Variants in VPS8 observed in about 807,000 individuals in gnomAD.
VPS8 encodes vacuolar protein sorting-associated protein 8 homolog.
VPS8 carries 129 observed loss-of-function variants against 216.4 expected under a neutral mutation model. The observed-to-expected ratio is 0.60, with a 90% CI of 0.52 to 0.69. The LOEUF (loss-of-function observed/expected upper bound fraction) is 0.69. Ranked by LOEUF, VPS8 falls within the 30% of genes least tolerant of loss-of-function variation. The probability of loss-of-function intolerance (pLI) is 0.00; values close to 1 mark genes in which losing one functional copy is unlikely to be tolerated. For missense variants in VPS8, 1,531 were observed against 1,683.5 expected, an observed-to-expected ratio of 0.91 and a Z score of 1.59; for synonymous variants, 571 against 565.4, an observed-to-expected ratio of 1.01 and a Z score of -0.14.
At chr3:185,015,638 AG>A (rs1304195081) in intron 45 of VPS8, among the ~76,000 whole-genome samples, 4 of 152,240 alleles carry the variant, frequency 2.6e-5, no homozygotes, top group Non-Finnish European at 5.9e-5. Context: ...GAATCCAATT[AG>A]TTAATTTCAA....
Position 184,996,905 on chromosome 3 carries a change from A to C in VPS8, c.3836+404A>C, listed in dbSNP as rs76820604. On this transcript the variant is annotated intron_variant, in intron 44 of 47. Transcript: ENST00000625842. Reference sequence around the variant, plus strand: ...GCTGGTGTATTAGATGTGGAGTATAAGAGAAAAATGAATCTTTGGTCTGAG... The same window carrying C: ...GCTGGTGTATTAGATGTGGAGTATACGAGAAAAATGAATCTTTGGTCTGAG... Among the ~76,000 whole-genome samples, 341 of 152,288 alleles carry C rather than the reference A, an allele frequency of 2.2e-3. 4 individuals are homozygous for C. The highest frequency in any genetic ancestry group is 7.7e-3 in the African/African-American group (320 of 41,572).
chr3:185,016,982 C>T (rs544408669), intron 45 of VPS8, among the ~76,000 whole-genome samples: 106 of 151,902 alleles, frequency 7.0e-4, no homozygotes, highest in African/African-American at 2.0e-3. Flanking sequence ...CTGCTTGAAG[C>T]GGTTCCTTCA....
intron 2 of VPS8, chr3:184,825,155 T>C (rs1277991379): frequency 4.5e-6 from 1 of 223,184 alleles, no homozygotes; most frequent in African/African-American, 2.3e-5. Flanking sequence ...TCTCCCTTCT[T>C]GGCCCCCACG....
At chr3:184,816,753 C>T (rs1364159118) in intron 1 of VPS8, among the ~76,000 whole-genome samples, 3 of 152,108 alleles carry the variant, frequency 2.0e-5, no homozygotes, top group South Asian at 2.1e-4. Context: ...AACTGCATGG[C>T]GTTTGTTATT....
At chr3:184,996,537 A>T in intron 44 of VPS8, 36 bp downstream of exon 44, 2 of 1,555,014 alleles carry the variant, frequency 1.3e-6, no homozygotes, top group Non-Finnish European at 1.7e-6. Context: ...TGTATGGTAC[A>T]TGTACATCTG....
At chr3:184,991,512 A>G (rs1271454242) in intron 42 of VPS8, among the ~76,000 whole-genome samples, 1 of 152,224 alleles carries the variant, frequency 6.6e-6, no homozygotes, top group Non-Finnish European at 1.5e-5. Flanking sequence ...TGATACAAAT[A>G]TAGAAATGAC....
At chr3:185,002,039 G>A (rs958063352) in intron 45 of VPS8, among the ~76,000 whole-genome samples, 2 of 152,194 alleles carry the variant, frequency 1.3e-5, no homozygotes, top group African/African-American at 2.4e-5. Flanking sequence ...TAAGCTAGAC[G>A]AGTTTAAGTG....
Position 184,853,938 on chromosome 3 carries a change from G to A in VPS8, c.903G>A (p.Leu301=). The change falls in exon 12 of 48, where the codon CTG becomes CTA. Residue 301 remains leucine, a synonymous_variant. Transcript: ENST00000625842. ...SKGEVCCIEP[L]HSKPELKDHP... ...GTGAAGTCTGCTGTATTGAGCCTCTGCATTCTAAGCCTGAGTTGAAAGATC... is the reference window on the plus strand; with the variant it reads ...GTGAAGTCTGCTGTATTGAGCCTCTACATTCTAAGCCTGAGTTGAAAGATC... The A allele has an allele frequency of 6.2e-7, 1 of 1,613,126 alleles. No homozygotes were observed. The highest frequency in any genetic ancestry group is 8.5e-7 in the Non-Finnish European group (1 of 1,179,578).
intron 15 of VPS8, among the ~76,000 whole-genome samples, chr3:184,861,912 G>A (rs1726452716): frequency 1.3e-5 from 2 of 152,060 alleles, no homozygotes; most frequent in South Asian, 2.1e-4. Flanking sequence ...AATTAAGAGA[G>A]CACCTTATAA....
chr3:184,899,372 T>G (rs959031966), intron 24 of VPS8, among the ~76,000 whole-genome samples: 3 of 152,220 alleles, frequency 2.0e-5, no homozygotes, highest in African/African-American at 7.2e-5. Flanking sequence ...ATTTAGCTAA[T>G]TTATTGCTAT....
At chr3:184,827,964 G>A (rs908286790) in intron 3 of VPS8, among the ~76,000 whole-genome samples, 45 of 152,136 alleles carry the variant, frequency 3.0e-4, no homozygotes, top group Non-Finnish European at 6.5e-4. Flanking sequence ...GACGATAAGG[G>A]GGCTGTGGGG....
chr3:184,888,019 G>A (rs144930272), intron 22 of VPS8, among the ~76,000 whole-genome samples: 1,656 of 147,692 alleles, frequency 0.011, 34 homozygotes, highest in African/African-American at 0.04. Flanking sequence ...ACAGAATCTC[G>A]CTCTGTCGCC....
intron 31 of VPS8, among the ~76,000 whole-genome samples, chr3:184,926,916 A>G (rs964569904): frequency 6.6e-6 from 1 of 152,214 alleles, no homozygotes; most frequent in Non-Finnish European, 1.5e-5. Flanking sequence ...CCTATTATAT[A>G]GCAACAGCTA....
intron 45 of VPS8, among the ~76,000 whole-genome samples, chr3:185,023,595 T>C (rs1577196931): frequency 6.6e-6 from 1 of 152,038 alleles, no homozygotes. Flanking sequence ...GAGGCGGAGG[T>C]TGCAATGAGC....
At chr3:184,852,475 G>A (rs774681527) in intron 10 of VPS8, 25 bp from the exon 11 acceptor site, 5 of 1,604,912 alleles carry the variant, frequency 3.1e-6, no homozygotes, top group Non-Finnish European at 4.3e-6. Flanking sequence ...AAATGTACAA[G>A]AAAATAAATT....
At chr3:184,882,815 C>T (rs1278075268) in intron 21 of VPS8, among the ~76,000 whole-genome samples, 2 of 151,992 alleles carry the variant, frequency 1.3e-5, no homozygotes, top group Non-Finnish European at 2.9e-5. Flanking sequence ...AATTGGTGCA[C>T]TTCATGTAAA....
At position 184,854,213 on chromosome 3, in the gene VPS8, C is replaced by T. The variant is rs773611325; in HGVS notation, c.1035+40C>T. The T allele has an allele frequency of 4.4e-6, 7 of 1,606,272 alleles. No homozygotes were observed. The South Asian group carries it at 4.4e-5, about 10-fold the overall frequency. On this transcript the variant is annotated intron_variant, in intron 13 of 47. Coordinates refer to ENST00000625842, the MANE Select transcript of VPS8 (RefSeq NM_001009921.3). Reference sequence around the variant, plus strand: ...CCATCTTATTTGCCAAAGGAAGGACCATGTCAGGAGGTTGAGAGAGATGGC... The same window carrying T: ...CCATCTTATTTGCCAAAGGAAGGACTATGTCAGGAGGTTGAGAGAGATGGC...
chr3:184,833,723 A>T (rs945720705), intron 4 of VPS8, among the ~76,000 whole-genome samples: 1 of 152,142 alleles, frequency 6.6e-6, no homozygotes, highest in Non-Finnish European at 1.5e-5. Flanking sequence ...CACACTGTAC[A>T]CCTTTACATC....
chr3:184,916,288 T>A (rs767361017), intron 28 of VPS8, among the ~76,000 whole-genome samples: 40 of 152,230 alleles, frequency 2.6e-4, no homozygotes, highest in Non-Finnish European at 5.6e-4. Context: ...TAATGTATCT[T>A]CTGAATTAAA....
Sources: gnomAD v4.1 joint callset for allele counts (sites outside exome capture counted in the v4.1 genomes callset) on GRCh38, gnomAD v4.1.1 for gene constraint, MANE v1.5 for transcripts, NCBI Gene and HGNC (gene_info 2026-07-23, HGNC 2026-07-21) for gene names.